PHOSPHO2: variants seen among roughly 807,000 people sequenced by gnomAD.
PHOSPHO2 encodes the protein pyridoxal phosphate phosphatase PHOSPHO2.
PHOSPHO2 carries 14 observed loss-of-function variants against 16.4 expected under a neutral mutation model. That is an observed-to-expected ratio of 0.85 (90% CI 0.56 to 1.33). PHOSPHO2 has a LOEUF of 1.33. Among genes scored for constraint, PHOSPHO2 ranks in the 40% most tolerant of loss-of-function variants. The probability of loss-of-function intolerance (pLI) is 0.00; values close to 1 mark genes in which losing one functional copy is unlikely to be tolerated. For synonymous variants in PHOSPHO2, 85 were observed against 90.5 expected (o/e 0.94, Z 0.34); for missense variants, 246 against 282.5 (o/e 0.87, Z 0.93).
chr2:169,696,412 A>T (rs1377418509), intron 2 of PHOSPHO2, among the ~76,000 whole-genome samples: 1 of 152,240 alleles, frequency 6.6e-6, no homozygotes, highest in East Asian at 1.9e-4. Flanking sequence ...CAAAAACAGG[A>T]TTATACTGTA....
intron 3 of PHOSPHO2, among the ~76,000 whole-genome samples, chr2:169,700,701 C>T (rs935339113): frequency 6.6e-6 from 1 of 151,792 alleles, no homozygotes; most frequent in Non-Finnish European, 1.5e-5. Flanking sequence ...ATAAGAAACA[C>T]ACCTCCAGGA....
At chr2:169,695,488 T>A (rs2105588570) in intron 2 of PHOSPHO2, among the ~76,000 whole-genome samples, 1 of 151,830 alleles carries the variant, frequency 6.6e-6, no homozygotes, top group South Asian at 2.1e-4. Flanking sequence ...TACAAAAAAA[T>A]TAGCCAGGCG....
At chr2:169,696,848 A>G (rs1204014734) in intron 2 of PHOSPHO2, among the ~76,000 whole-genome samples, 2 of 152,186 alleles carry the variant, frequency 1.3e-5, no homozygotes, top group Admixed American at 1.3e-4. Context: ...GAAAATCTCA[A>G]TCAGCTTAAC....
In PHOSPHO2 at chr2:169,701,115, G is replaced by T. The variant is rs570298617; in HGVS notation, c.144G>T (p.Met48Ile). ...SYRKGFWTEF[M>I]GRVFKYLGDK... ...GAAAAGGATTTTGGACAGAATTTAT[G>T]GGCAGAGTCTTTAAGTATTTGGGAG... Residue 48 changes from methionine to isoleucine, a missense_variant, in exon 4 of 4, where the codon ATG (methionine) becomes ATT (isoleucine). Physicochemically the swap from Met to Ile is conservative, Grantham distance 10 (BLOSUM62 1). Coordinates refer to ENST00000359744, the MANE Select transcript of PHOSPHO2 (RefSeq NM_001008489.4). 3 of 1,613,980 alleles carry T rather than the reference G, an allele frequency of 1.9e-6. No homozygotes were observed. Among genetic ancestry groups the T allele is most frequent in the Non-Finnish European group, 2.5e-6 (3 of 1,179,990 alleles).
chr2:169,696,155 C>T (rs548082493), intron 2 of PHOSPHO2, among the ~76,000 whole-genome samples: 7 of 152,292 alleles, frequency 4.6e-5, no homozygotes, highest in Non-Finnish European at 1.0e-4. Flanking sequence ...ACTTCAGACT[C>T]GAGATTCCAG....
chr2:169,697,491 C>T lies in PHOSPHO2; in HGVS notation c.-67C>T, dbSNP rs1188805226. On this transcript the variant is annotated 5_prime_UTR_variant, in exon 3 of 4. Coordinates refer to ENST00000359744, the MANE Select transcript of PHOSPHO2 (RefSeq NM_001008489.4). ...GATTGTCATGATTGTTTATCCTAATCCCAATGCTGAAGTAAGATTGTCTTG... is the reference window on the plus strand; with the variant it reads ...GATTGTCATGATTGTTTATCCTAATTCCAATGCTGAAGTAAGATTGTCTTG... 3 of 152,118 alleles carry T rather than the reference C, an allele frequency of 2.0e-5. No individual in the cohort carries two copies. Among genetic ancestry groups the T allele is most frequent in the Admixed American group, 6.5e-5 (1 of 15,270 alleles). 9.4% of individuals were successfully genotyped at this position (152,118 alleles called of 1,614,324 possible). A position where few individuals can be genotyped will look rare whatever the true frequency, so the allele number is the denominator to read the frequency against.
intron 3 of PHOSPHO2, among the ~76,000 whole-genome samples, chr2:169,700,372 G>A (rs553386665): frequency 2.1e-5 from 3 of 141,168 alleles, no homozygotes; most frequent in Non-Finnish European, 4.7e-5. Flanking sequence ...TTTGTATATG[G>A]TGTTAAGGAA....
intron 2 of PHOSPHO2, among the ~76,000 whole-genome samples, chr2:169,695,927 C>G (rs572150905): frequency 6.6e-6 from 1 of 152,274 alleles, no homozygotes; most frequent in Non-Finnish European, 1.5e-5. Flanking sequence ...GACAAATAAG[C>G]ATGTTTCTCA....
Position 169,701,043 on chromosome 2 carries a change from A to C in PHOSPHO2, c.72A>C (p.Gln24His), listed in dbSNP as rs749835111. The C allele has an allele frequency of 6.2e-7, 1 of 1,613,770 alleles. No homozygotes were observed. The highest frequency in any genetic ancestry group is 1.1e-5 in the South Asian group (1 of 91,072). Residue 24 changes from glutamine to histidine, a missense_variant, in exon 4 of 4, where the codon CAA becomes CAC. By Grantham distance (24) the Gln-to-His change is conservative. Coordinates refer to ENST00000359744, the MANE Select transcript of PHOSPHO2 (RefSeq NM_001008489.4). ...IDDNSDTWIV[Q>H]CAPNKKLPIE... Reference sequence around the variant, plus strand: ...ACAATAGTGACACTTGGATTGTACAATGTGCTCCCAACAAAAAGCTTCCTA... The same window carrying C: ...ACAATAGTGACACTTGGATTGTACACTGTGCTCCCAACAAAAAGCTTCCTA...
chr2:169,701,368 C>A lies in PHOSPHO2; in HGVS notation c.397C>A (p.His133Asn), dbSNP rs759586026. 2.5e-6 allele frequency: 4 copies of A among 1,613,428 alleles called. No individual in the cohort carries two copies. The highest frequency in any genetic ancestry group is 4.5e-5 in the East Asian group (2 of 44,868). ...TNPAAFNSNG[H>N]LTVENYHTHS... ...TCCAGCAGCTTTTAATAGCAATGGT[C>A]ATCTCACTGTTGAAAATTATCATAC... Residue 133 changes from histidine to asparagine, a missense_variant, in exon 4 of 4, where the codon CAT becomes AAT. Transcript: ENST00000359744.
Position 169,700,933 on chromosome 2 carries a change from T to G in PHOSPHO2, c.-26-13T>G, listed in dbSNP as rs377608604. 6.4e-5 allele frequency: 99 copies of G among 1,538,612 alleles called. No homozygotes were observed. Among genetic ancestry groups the G allele is most frequent in the Non-Finnish European group, 8.3e-5 (95 of 1,151,444 alleles). ...CAGAGTTTGTTTAGGGAATAATATT[T>G]CTTCTTTTTCAGGGTAATCCAAATC... On this transcript the variant is annotated splice_polypyrimidine_tract_variant and intron_variant, in intron 3 of 3. Transcript: ENST00000359744.
intron 3 of PHOSPHO2, chr2:169,697,814 A>T (rs746974912): frequency 3.3e-5 from 5 of 152,238 alleles, no homozygotes; most frequent in Non-Finnish European, 5.9e-5. Flanking sequence ...TAGTTACAGT[A>T]CTACTGTGAT....
rs563764766 is a variant in PHOSPHO2 at position 169,699,041 on chromosome 2, G to A, written c.-27+1510G>A. Among the ~76,000 whole-genome samples the A allele has an allele frequency of 3.9e-5, 6 of 152,172 alleles. No individual in the cohort carries two copies. The East Asian group carries it at 1.2e-3, about 29-fold the overall frequency. On this transcript the variant is annotated intron_variant, in intron 3 of 3. Coordinates refer to ENST00000359744, the MANE Select transcript of PHOSPHO2 (RefSeq NM_001008489.4). ...TGATTTCCACCTTTTAAGTTCAGGG[G>A]TACATGTGCAGGATGTGTAGATTTG... is the stretch of plus-strand genomic sequence containing the variant.
At chr2:169,695,446 C>T (rs1480862461) in intron 2 of PHOSPHO2, among the ~76,000 whole-genome samples, 199 bp downstream of exon 2, 2 of 152,102 alleles carry the variant, frequency 1.3e-5, no homozygotes, top group Admixed American at 1.3e-4. Context: ...ACCATCCTGG[C>T]TAACACGGTG....
chr2:169,694,713 G>A, intron 1 of PHOSPHO2, 91 bp downstream of exon 1: 2 of 339,520 alleles, frequency 5.9e-6, no homozygotes, highest in Non-Finnish European at 1.1e-5. Flanking sequence ...GATTGGGTCC[G>A]ATGCCTACCC....
chr2:169,694,628 T>A lies in PHOSPHO2; in HGVS notation c.-231+6T>A. 2.0e-6 allele frequency: 1 copy of A among 503,810 alleles called. No homozygotes were observed. Among genetic ancestry groups the A allele is most frequent in the Non-Finnish European group, 3.6e-6 (1 of 274,674 alleles). 31.2% of individuals were successfully genotyped at this position (503,810 alleles called of 1,614,324 possible). A position where few individuals can be genotyped will look rare whatever the true frequency, so the allele number is the denominator to read the frequency against. On this transcript the variant is annotated splice_donor_region_variant and intron_variant, in intron 1 of 3. Transcript: ENST00000359744. The stretch of plus-strand genomic sequence containing the variant: ...GCTGCCGACGGCGGGACTGGGTCAG[T>A]GAGAAGCCCGTGGGCCCCCGCCCTG...
In PHOSPHO2 at chr2:169,701,513, G is replaced by A; in HGVS notation, c.542G>A (p.Gly181Glu). Residue 181 changes from glycine (G) to glutamate (E), a missense_variant, in exon 4 of 4, where the codon GGA (glycine) becomes GAA (glutamate). Coordinates refer to ENST00000359744, the MANE Select transcript of PHOSPHO2 (RefSeq NM_001008489.4). ...CAAATTGTTTATATTGGTGATGGTGGAAATGATGTCTGTCCAGTCACCTTT... is the reference window on the plus strand; with the variant it reads ...CAAATTGTTTATATTGGTGATGGTGAAAATGATGTCTGTCCAGTCACCTTT... Reference protein sequence around the residue: ...YTQIVYIGDGGNDVCPVTFLK... With the variant: ...YTQIVYIGDGENDVCPVTFLK... The A allele has an allele frequency of 1.2e-6, 2 of 1,613,608 alleles. No homozygotes were observed. The highest frequency in any genetic ancestry group is 8.5e-7 in the Non-Finnish European group (1 of 1,179,928).
At chr2:169,699,614 G>A (rs761042003) in intron 3 of PHOSPHO2, among the ~76,000 whole-genome samples, 2 of 152,166 alleles carry the variant, frequency 1.3e-5, no homozygotes, top group African/African-American at 2.4e-5. Flanking sequence ...CTTCCACGAT[G>A]GTTGAACTAA....
intron 2 of PHOSPHO2, among the ~76,000 whole-genome samples, chr2:169,695,974 T>G (rs1276285869): frequency 6.6e-6 from 1 of 152,118 alleles, no homozygotes; most frequent in Non-Finnish European, 1.5e-5. Flanking sequence ...GAGACAATAG[T>G]CTAGAGGAAA....
Sources: allele counts gnomAD v4.1 joint callset (sites outside exome capture counted in the v4.1 genomes callset), GRCh38; gene constraint gnomAD v4.1.1; transcripts MANE v1.5; gene names NCBI Gene and HGNC (gene_info 2026-07-23, HGNC 2026-07-21).